Variants in PCDHGA1 observed in about 807,000 individuals in gnomAD.
PCDHGA1 encodes protocadherin gamma-A1.
Under a neutral mutation model 58.0 loss-of-function variants are expected in PCDHGA1, and 32 were observed. The observed-to-expected ratio is 0.55, with a 90% CI of 0.42 to 0.74. The LOEUF (loss-of-function observed/expected upper bound fraction) is 0.74, where lower values mean the gene tolerates loss of function less well. Among genes scored for constraint, PCDHGA1 ranks in the 30% least tolerant of loss-of-function variants. The pLI, the probability that PCDHGA1 is intolerant of heterozygous loss-of-function variation, is 0.00. For synonymous variants in PCDHGA1, 498 were observed against 501.1 expected (o/e 0.99, Z 0.08); for missense variants, 1,205 against 1,182.3 (o/e 1.02, Z -0.28).
intron 1 of PCDHGA1, chr5:141,412,954 C>A (rs2095592297): frequency 2.1e-6 from 1 of 482,442 alleles, no homozygotes; most frequent in Non-Finnish European, 3.6e-6. Flanking sequence ...CGCCGCTGTT[C>A]ACCTACTAGG....
chr5:141,399,639 C>A lies in PCDHGA1; in HGVS notation c.2421+66534C>A, dbSNP rs1405309490. On this transcript the variant is annotated intron_variant, in intron 1 of 3. Transcript: ENST00000517417. ...CACTGGCCTCTTACGTGTCCATGAG[C>A]GCGCAAAGTGGGGTGGTGTTCGCGC... 5 of 1,613,858 alleles carry A rather than the reference C, an allele frequency of 3.1e-6. No individual in the cohort carries two copies. The highest frequency in any genetic ancestry group is 3.4e-6 in the Non-Finnish European group (4 of 1,179,886).
rs188373658 is a variant in PCDHGA1 at position 141,492,228 on chromosome 5, C to T, written c.2422-2579C>T. ...TGCGCGCGGGGCTCATGCGTGTCCT[C>T]CCTGCTGGCCACCCCCACGGCCCAC... On this transcript the variant is annotated intron_variant, in intron 1 of 3. Coordinates refer to ENST00000517417, the MANE Select transcript of PCDHGA1 (RefSeq NM_018912.3). Among the ~76,000 whole-genome samples the T allele has an allele frequency of 5.3e-5, 8 of 152,292 alleles. No individual in the cohort carries two copies. In the East Asian group the frequency reaches 1.2e-3, roughly 22 times the overall value.
intron 1 of PCDHGA1, among the ~76,000 whole-genome samples, chr5:141,465,505 G>A (rs905617997): frequency 6.6e-6 from 1 of 152,190 alleles, no homozygotes; most frequent in Non-Finnish European, 1.5e-5. Flanking sequence ...CATTGTCGTG[G>A]TCAGGAAGGA....
At chr5:141,456,919 C>G (rs2098898169) in intron 1 of PCDHGA1, among the ~76,000 whole-genome samples, 1 of 152,124 alleles carries the variant, frequency 6.6e-6, no homozygotes, top group African/African-American at 2.4e-5. Flanking sequence ...GCCGAGATCG[C>G]ACCACTGCAC....
rs1203945578 is a variant in PCDHGA1 at position 141,512,055 on chromosome 5, T to G, written c.*882T>G. 6.5e-6 allele frequency: 1 copy of G among 152,698 alleles called. No homozygotes were observed. The highest frequency in any genetic ancestry group is 1.5e-5 in the Non-Finnish European group (1 of 68,092). 9.5% of individuals were successfully genotyped at this position (152,698 alleles called of 1,614,324 possible). The stretch of plus-strand genomic sequence containing the variant: ...GAGGCTCTGTATGTCCTCAGGGGAC[T>G]GACAACATCCTCCAGATTCCAGCCA... On this transcript the variant is annotated 3_prime_UTR_variant, in exon 4 of 4. Transcript: ENST00000517417.
rs781500930 is a variant in PCDHGA1, at chr5:141,376,588, TC to T, written c.2421+43484del. 8 of 1,575,434 alleles carry T rather than the reference TC, an allele frequency of 5.1e-6. No homozygotes were observed. The South Asian group carries it at 8.1e-5, about 16-fold the overall frequency. ...TAATCAGACAGGCTCATCAGCTAGA[TC>T]GGCTGTTATAGAAGCGAACCTCTTT... On this transcript the variant is annotated intron_variant, in intron 1 of 3. Transcript: ENST00000517417.
intron 1 of PCDHGA1, chr5:141,478,400 C>A (rs1295855090): frequency 6.2e-7 from 1 of 1,613,550 alleles, no homozygotes; most frequent in East Asian, 2.2e-5. Context: ...TCAGGTGTAT[C>A]TCACCACGGA....
intron 1 of PCDHGA1, chr5:141,418,622 G>A: frequency 2.5e-6 from 4 of 1,614,026 alleles, no homozygotes; most frequent in Non-Finnish European, 3.4e-6. Context: ...TCGGGAAGAC[G>A]TGCCTCCAGG....
chr5:141,418,254 A>T (rs1217236221), intron 1 of PCDHGA1: 2 of 1,613,904 alleles, frequency 1.2e-6, no homozygotes, highest in African/African-American at 2.7e-5. Flanking sequence ...CACGCCCCTC[A>T]ATTCCGGAAA....
Position 141,389,832 on chromosome 5 carries a change from C to T in PCDHGA1, c.2421+56727C>T, listed in dbSNP as rs758113562. ...GGTCGCCGTGCGTGACGGTGGACAG[C>T]CACCACTCTCGGCCACTGCCACGTT... On this transcript the variant is annotated intron_variant, in intron 1 of 3. Coordinates refer to ENST00000517417, the MANE Select transcript of PCDHGA1 (RefSeq NM_018912.3). The T allele has an allele frequency of 2.2e-5, 36 of 1,613,848 alleles. 1 individual carries two copies. The South Asian group carries it at 3.8e-4, about 17-fold the overall frequency.
intron 1 of PCDHGA1, chr5:141,382,604 A>G (rs746848430): frequency 2.6e-5 from 7 of 268,716 alleles, no homozygotes; most frequent in Non-Finnish European, 3.5e-5. Flanking sequence ...ACAATTTTCT[A>G]TGAAATCAGT....
At chr5:141,467,178 A>C (rs1344437465) in intron 1 of PCDHGA1, among the ~76,000 whole-genome samples, 1 of 151,604 alleles carries the variant, frequency 6.6e-6, no homozygotes, top group Non-Finnish European at 1.5e-5. Flanking sequence ...TCAGCCTCCC[A>C]AGTAGCTGGG....
In PCDHGA1 at chr5:141,330,656, C is replaced by A; in HGVS notation, c.-29C>A. On this transcript the variant is annotated 5_prime_UTR_variant, in exon 1 of 4. The change creates a new upstream start codon in the 5' untranslated region. Transcript: ENST00000517417. The stretch of plus-strand genomic sequence containing the variant: ...CAGAAACGATACCCTTGGTACTGGA[C>A]TGGAAGAAAACTACGAAGTGAGAGA... 1 of 1,576,548 alleles carries A rather than the reference C, an allele frequency of 6.3e-7. No individual in the cohort carries two copies. The highest frequency in any genetic ancestry group is 8.6e-7 in the Non-Finnish European group (1 of 1,160,128).
intron 1 of PCDHGA1, chr5:141,374,380 C>T (rs1263045322): frequency 1.2e-6 from 2 of 1,613,894 alleles, no homozygotes; most frequent in Non-Finnish European, 1.7e-6. Context: ...GTGCTCAGAG[C>T]CCGCGGTGTC....
At chr5:141,402,398 ATTG>A (rs1159125909) in intron 1 of PCDHGA1, among the ~76,000 whole-genome samples, 19 of 152,216 alleles carry the variant, frequency 1.2e-4, no homozygotes, top group African/African-American at 4.6e-4. Context: ...ACTTCAGAAA[ATTG>A]TTAAGATACA....
rs148025458 is a variant in PCDHGA1, at chr5:141,340,543, G to T, written c.2421+7438G>T. 482 of 1,614,140 alleles carry T rather than the reference G, an allele frequency of 3.0e-4. No homozygotes were observed. Among genetic ancestry groups the T allele is most frequent in the Non-Finnish European group, 3.9e-4 (458 of 1,180,064 alleles). On this transcript the variant is annotated intron_variant, in intron 1 of 3. Transcript: ENST00000517417. ...CACTGCGCTCCTTTGATTATGAGCA[G>T]TTGCGAGACTTGCAAGTGTGGGTGA...
rs1255326344 is a variant in PCDHGA1, at chr5:141,431,636, A to G, written c.2422-63171A>G. 6.2e-7 allele frequency: 1 copy of G among 1,614,254 alleles called. No homozygotes were observed. ...GGACGACAAGGCGGCCCAAGTTTTC[A>G]AACTAGATTGTAATTCAGGGACAAT... On this transcript the variant is annotated intron_variant, in intron 1 of 3. Transcript: ENST00000517417. This position sits in a 1 kb window ranked among gnomAD's most constrained non-coding sequence, Gnocchi z 4.8.
At chr5:141,365,103 G>T (rs1178900186) in intron 1 of PCDHGA1, 3 of 1,613,722 alleles carry the variant, frequency 1.9e-6, no homozygotes, top group Non-Finnish European at 1.7e-6. Flanking sequence ...ATACCTGTGG[G>T]CACTCGGCTG....
chr5:141,393,937 A>G lies in PCDHGA1; in HGVS notation c.2421+60832A>G, dbSNP rs751838967. 26 of 1,613,788 alleles carry G rather than the reference A, an allele frequency of 1.6e-5. 2 individuals are homozygous for G. In the South Asian group the frequency reaches 2.9e-4, roughly 18 times the overall value. On this transcript the variant is annotated intron_variant, in intron 1 of 3. Coordinates refer to ENST00000517417, the MANE Select transcript of PCDHGA1 (RefSeq NM_018912.3). ...GCCTTCTTGAGTGTGCATGACCAAG[A>G]CTCTGGAAAGAATGGTCAAGTTGTC...
Sources: gnomAD v4.1 joint callset for allele counts (sites outside exome capture counted in the v4.1 genomes callset) on GRCh38, gnomAD v4.1.1 for gene constraint, Gnocchi (gnomAD v3.1) non-coding constraint, MANE v1.5 for transcripts, NCBI Gene and HGNC (gene_info 2026-07-23, HGNC 2026-07-21) for gene names.